The following ME3 variants were observed in gnomAD, a reference collection of about 807,000 sequenced individuals.
ME3 encodes NADP-dependent malic enzyme, mitochondrial.
ME3 carries 48 observed loss-of-function variants against 68.9 expected under a neutral mutation model. The ratio of observed to expected loss-of-function variants is 0.70; its 90% confidence interval spans 0.55 to 0.89. ME3 has a LOEUF of 0.89. ME3 is among the 40% of genes least tolerant of loss of function. The probability of loss-of-function intolerance (pLI) is 0.00; values close to 1 mark genes in which losing one functional copy is unlikely to be tolerated. For synonymous variants in ME3, 320 were observed against 318.8 expected, an observed-to-expected ratio of 1.00 and a Z score of -0.04; for missense variants, 675 against 797.4, an observed-to-expected ratio of 0.85 and a Z score of 1.85.
chr11:86,579,431 A>G (rs1958307288), intron 2 of ME3, among the ~76,000 whole-genome samples: 1 of 152,102 alleles, frequency 6.6e-6, no homozygotes, highest in African/African-American at 2.4e-5. Context: ...GGAACTTTCT[A>G]AAGTTCTCTC....
In ME3 at chr11:86,501,861, TCATC is replaced by T. The variant is rs545458226; in HGVS notation, c.544-3741_544-3738del. ...ATTATTGCTACTGCCTCGGATCAGA[TCATC>T]CATCTTCACTTGAGCCACTGCACTG... On this transcript the variant is annotated intron_variant, in intron 5 of 14. Transcript: ENST00000543262. 3.0e-3 allele frequency among the ~76,000 whole-genome samples: 460 copies of T among 152,348 alleles called. 2 individuals carry two copies. The highest frequency in any genetic ancestry group is 0.01 in the African/African-American group (432 of 41,570).
intron 4 of ME3, among the ~76,000 whole-genome samples, chr11:86,516,383 G>GTA (rs373878994): frequency 1.2e-3 from 175 of 150,356 alleles, no homozygotes; most frequent in African/African-American, 2.9e-3. Context: ...GTGTGTGTGT[G>GTA]TATATATATA....
intron 2 of ME3, among the ~76,000 whole-genome samples, chr11:86,585,194 T>C (rs1359124977): frequency 6.6e-6 from 1 of 152,194 alleles, no homozygotes; most frequent in Non-Finnish European, 1.5e-5. Context: ...AATGAGAAAC[T>C]ACTGAAAGTT....
intron 4 of ME3, among the ~76,000 whole-genome samples, chr11:86,552,167 C>A (rs1956721848): frequency 6.6e-6 from 1 of 152,148 alleles, no homozygotes; most frequent in African/African-American, 2.4e-5. Flanking sequence ...TTGAATCCTC[C>A]CAAGCAGCCA....
At chr11:86,579,129 T>C (rs1958287640) in intron 2 of ME3, among the ~76,000 whole-genome samples, 1 of 152,204 alleles carries the variant, frequency 6.6e-6, no homozygotes. Context: ...ACTAAATATA[T>C]ATAGCCCCTG....
At chr11:86,639,116 A>G (rs1452940653) in intron 2 of ME3, among the ~76,000 whole-genome samples, 2 of 152,226 alleles carry the variant, frequency 1.3e-5, no homozygotes. Context: ...TTATTACTAC[A>G]TCTGTCTGAG....
intron 6 of ME3, among the ~76,000 whole-genome samples, chr11:86,490,370 G>C (rs565244568): frequency 2.8e-4 from 43 of 152,234 alleles, no homozygotes; most frequent in Non-Finnish European, 5.3e-4. Flanking sequence ...GGGTGTGTGC[G>C]TGTGTGTGTC....
At chr11:86,460,662 CTA>C (rs1950184877) in intron 8 of ME3, among the ~76,000 whole-genome samples, 1 of 152,220 alleles carries the variant, frequency 6.6e-6, no homozygotes, top group Non-Finnish European at 1.5e-5. Context: ...CTGTTTACAA[CTA>C]TGATTCTGCA....
chr11:86,648,126 A>G (rs1203173277), intron 2 of ME3, among the ~76,000 whole-genome samples: 1 of 152,236 alleles, frequency 6.6e-6, no homozygotes, highest in Non-Finnish European at 1.5e-5. Context: ...GCAGAACTAC[A>G]TGGAAACTGA....
At chr11:86,503,306 GAA>G (rs1399933056) in intron 5 of ME3, among the ~76,000 whole-genome samples, 1 of 152,216 alleles carries the variant, frequency 6.6e-6, no homozygotes, top group African/African-American at 2.4e-5. Flanking sequence ...CTGCAGGAAT[GAA>G]AGAGTTATTT....
chr11:86,475,902 A>AGAGAGAGAGAGAGAGAGAG (rs1565830505), intron 7 of ME3, among the ~76,000 whole-genome samples: 2 of 93,396 alleles, frequency 2.1e-5, no homozygotes, highest in African/African-American at 8.6e-5. Context: ...GAGAGAGAGA[A>AGAGAGAGAGAGAGAGAGAG]AGAGAAAGAG....
At position 86,526,029 on chromosome 11, in the gene ME3, G is replaced by C. The variant is rs543325545; in HGVS notation, c.468-17162C>G. ...AGTGTCAGAAAGTGGATGCAGGACA[G>C]TGGGTGCAGCGCACCGAGCATGAGC... is the stretch of plus-strand genomic sequence containing the variant. On this transcript the variant is annotated intron_variant, in intron 4 of 14. Coordinates refer to ENST00000543262, the Ensembl canonical transcript of ME3. Among the ~76,000 whole-genome samples, 6 of 152,364 alleles carry C rather than the reference G, an allele frequency of 3.9e-5. No homozygotes were observed. In the South Asian group the frequency reaches 1.2e-3, roughly 32 times the overall value.
At chr11:86,522,248 TCAAA>T (rs67315994) in intron 4 of ME3, among the ~76,000 whole-genome samples, 94,552 of 149,886 alleles carry the variant, frequency 0.63, 29,997 homozygotes, top group South Asian at 0.68. Flanking sequence ...AGACTCTGTC[TCAAA>T]CAAACAAACA....
intron 3 of ME3, among the ~76,000 whole-genome samples, chr11:86,558,495 C>T (rs932116585): frequency 6.6e-6 from 1 of 152,116 alleles, no homozygotes; most frequent in Non-Finnish European, 1.5e-5. Flanking sequence ...CTGTGCTCAT[C>T]ACCACTCAGA....
At chr11:86,436,205 T>G (rs1452837955), downstream of ME3, 1 of 151,618 alleles carries the variant, frequency 6.6e-6, no homozygotes, top group Non-Finnish European at 1.5e-5. Context: ...TTTTTTTTTA[T>G]TATAGCCATT....
chr11:86,445,740 T>C (rs557433753), intron 13 of ME3, among the ~76,000 whole-genome samples: 1 of 152,278 alleles, frequency 6.6e-6, no homozygotes, highest in East Asian at 1.9e-4. Context: ...TCATCATGTC[T>C]AGTAAAGAAC....
At chr11:86,436,585 C>T (rs560525249), downstream of ME3, 5 of 152,190 alleles carry the variant, frequency 3.3e-5, no homozygotes, top group South Asian at 1.0e-3. Flanking sequence ...CAACCTAAGT[C>T]ATAAAGATAT....
chr11:86,664,401 A>G lies in ME3; in HGVS notation c.183+7361T>C, dbSNP rs374890638. Among the ~76,000 whole-genome samples the G allele has an allele frequency of 5.9e-5, 9 of 152,350 alleles. No homozygotes were observed. In the South Asian group the frequency reaches 8.3e-4, roughly 14 times the overall value. On this transcript the variant is annotated intron_variant, in intron 2 of 14. Transcript: ENST00000543262. Reference sequence around the variant, plus strand: ...AAGCCAATGTTTCTAAAGTCTTAATAATGATTACACAAATGCTTACTTAAC... The same window carrying G: ...AAGCCAATGTTTCTAAAGTCTTAATGATGATTACACAAATGCTTACTTAAC...
intron 2 of ME3, among the ~76,000 whole-genome samples, chr11:86,584,806 AAGTTTCTAATCAATGGGT>A (rs966625170): frequency 2.0e-5 from 3 of 152,192 alleles, no homozygotes; most frequent in African/African-American, 7.2e-5. Context: ...AGGAAATGGG[AAGTTTCTAATCAATGGGT>A]ATACGATTTC....
Sources: gnomAD v4.1 joint callset for allele counts (sites outside exome capture counted in the v4.1 genomes callset) on GRCh38, gnomAD v4.1.1 for gene constraint, MANE v1.5 for transcripts, NCBI Gene and HGNC (gene_info 2026-07-23, HGNC 2026-07-21) for gene names.